Variants in LRP1B observed in about 807,000 individuals in gnomAD.
LRP1B encodes the protein LDL receptor related protein 1B.
A neutral mutation model predicts 556.6 loss-of-function variants in LRP1B; 217 were observed. The observed-to-expected ratio is 0.39, with a 90% confidence interval of 0.35 to 0.44. LRP1B has a LOEUF of 0.44. LRP1B is among the 20% of genes least tolerant of loss of function. The pLI, the probability that LRP1B is intolerant of heterozygous loss-of-function variation, is 1.00. For missense variants in LRP1B, 5,053 were observed against 5,620.8 expected (o/e 0.90, Z 3.23); for synonymous variants, 2,047 against 1,865.8 (o/e 1.10, Z -2.50).
chr2:140,252,089 A>AAAC (rs1558926907), intron 86 of LRP1B, among the ~76,000 whole-genome samples: 3 of 67,240 alleles, frequency 4.5e-5, no homozygotes, highest in Non-Finnish European at 2.9e-5. Flanking sequence ...AAAAAAAAAA[A>AAAC]CCCAAAAAAC....
At chr2:142,068,746 C>T (rs1234869252) in intron 1 of LRP1B, among the ~76,000 whole-genome samples, 1 of 151,526 alleles carries the variant, frequency 6.6e-6, no homozygotes, top group African/African-American at 2.4e-5. Context: ...GTGTTAGGCC[C>T]TCAGAAGTAA....
chr2:140,277,700 A>C (rs1682738705), intron 84 of LRP1B, among the ~76,000 whole-genome samples: 1 of 151,976 alleles, frequency 6.6e-6, no homozygotes, highest in Non-Finnish European at 1.5e-5. Flanking sequence ...AAATTAAATT[A>C]ACACTTCAAT....
At chr2:141,659,973 G>A (rs530530040) in intron 2 of LRP1B, among the ~76,000 whole-genome samples, 7 of 152,246 alleles carry the variant, frequency 4.6e-5, no homozygotes, top group African/African-American at 1.7e-4. Flanking sequence ...ATTAGCAGAA[G>A]AGACCAGAAG....
chr2:141,186,037 C>T (rs941774719), intron 7 of LRP1B, among the ~76,000 whole-genome samples: 1 of 136,016 alleles, frequency 7.4e-6, no homozygotes, highest in African/African-American at 2.7e-5. Flanking sequence ...GGAGATTGTG[C>T]CACTGTACTC....
chr2:140,744,153 T>C (rs1380064097), intron 35 of LRP1B, among the ~76,000 whole-genome samples: 2 of 152,066 alleles, frequency 1.3e-5, no homozygotes, highest in African/African-American at 4.8e-5. Flanking sequence ...TTAATTAATT[T>C]GATAGTGGTT....
intron 84 of LRP1B, among the ~76,000 whole-genome samples, chr2:140,291,278 C>T (rs1033446550): frequency 2.1e-5 from 2 of 93,582 alleles, no homozygotes; most frequent in Non-Finnish European, 5.5e-5. Context: ...AGCTTAGATA[C>T]CACTTCAAGA....
intron 2 of LRP1B, among the ~76,000 whole-genome samples, chr2:141,637,601 G>T (rs765543458): frequency 1.6e-4 from 24 of 152,174 alleles, no homozygotes; most frequent in Non-Finnish European, 1.2e-4. Context: ...TCTTCTCCTG[G>T]TTTGCACTGC....
At chr2:140,323,474 C>T (rs1056421003) in intron 81 of LRP1B, among the ~76,000 whole-genome samples, 2 of 151,958 alleles carry the variant, frequency 1.3e-5, no homozygotes, top group Non-Finnish European at 2.9e-5. Context: ...CGTCTATGCA[C>T]TCACAAGGTT....
At chr2:141,249,191 T>C (rs935027376) in intron 4 of LRP1B, among the ~76,000 whole-genome samples, 4 of 152,092 alleles carry the variant, frequency 2.6e-5, no homozygotes, top group African/African-American at 9.7e-5. Context: ...AGCATATATA[T>C]AATAGATTTT....
chr2:140,621,182 C>A (rs1462085116), intron 41 of LRP1B, among the ~76,000 whole-genome samples: 1 of 151,260 alleles, frequency 6.6e-6, no homozygotes, highest in African/African-American at 2.4e-5. Context: ...GAGTTCGAGA[C>A]CATCCTGGCT....
chr2:140,674,022 C>T (rs1685582478), intron 41 of LRP1B, among the ~76,000 whole-genome samples: 1 of 150,858 alleles, frequency 6.6e-6, no homozygotes, highest in South Asian at 2.1e-4. Flanking sequence ...AACTCTGGCT[C>T]ACTGCAACCT....
intron 35 of LRP1B, among the ~76,000 whole-genome samples, chr2:140,737,322 G>A (rs768154010): frequency 6.6e-6 from 1 of 152,160 alleles, no homozygotes; most frequent in Non-Finnish European, 1.5e-5. Context: ...GCTTAGATAT[G>A]TTGAGGATTA....
At chr2:141,124,329 G>A (rs992392364) in intron 7 of LRP1B, among the ~76,000 whole-genome samples, 2 of 151,970 alleles carry the variant, frequency 1.3e-5, no homozygotes, top group African/African-American at 4.8e-5. Flanking sequence ...TTCCTCTTTT[G>A]TATTGTTGCA....
chr2:141,876,529 T>C lies in LRP1B; in HGVS notation c.83-66128A>G, dbSNP rs543286672. 4.0e-3 allele frequency among the ~76,000 whole-genome samples: 615 copies of C among 152,002 alleles called. 5 individuals are homozygous for C. The highest frequency in any genetic ancestry group is 5.4e-3 in the Non-Finnish European group (364 of 67,954). On this transcript the variant is annotated intron_variant, in intron 1 of 90. Transcript: ENST00000389484. Reference sequence around the variant, plus strand: ...AGGAGAAAAGATATATTATAGATTATGTAGTTATTCTCTATCACTTCAGAA... The same window carrying C: ...AGGAGAAAAGATATATTATAGATTACGTAGTTATTCTCTATCACTTCAGAA...
chr2:141,645,116 G>A (rs1018216300), intron 2 of LRP1B, among the ~76,000 whole-genome samples: 2 of 152,096 alleles, frequency 1.3e-5, no homozygotes, highest in African/African-American at 2.4e-5. Context: ...TAGGGTAGGA[G>A]TATTGGGGGT....
chr2:141,141,594 T>C (rs1701653466), intron 7 of LRP1B, among the ~76,000 whole-genome samples: 1 of 152,196 alleles, frequency 6.6e-6, no homozygotes, highest in African/African-American at 2.4e-5. Flanking sequence ...TGTAACTCTG[T>C]AATGTCAACT....
At chr2:141,736,395 G>A (rs1194363922) in intron 2 of LRP1B, among the ~76,000 whole-genome samples, 2 of 152,092 alleles carry the variant, frequency 1.3e-5, no homozygotes, top group East Asian at 1.9e-4. Flanking sequence ...GAGGTCATTC[G>A]AGTTGACCCT....
intron 2 of LRP1B, among the ~76,000 whole-genome samples, chr2:141,770,420 C>T (rs747596132): frequency 9.2e-5 from 14 of 152,120 alleles, no homozygotes; most frequent in Non-Finnish European, 1.8e-4. Flanking sequence ...ATGTCATGCT[C>T]CCCATGAGTA....
At position 141,910,771 on chromosome 2, in the gene LRP1B, G is replaced by A. The variant is rs570401527; in HGVS notation, c.83-100370C>T. The stretch of plus-strand genomic sequence containing the variant: ...AATACACCTAAGTAGATAATCGAAA[G>A]GACTTACGTGTTGCTTTTCAATTTT... On this transcript the variant is annotated intron_variant, in intron 1 of 90. Transcript: ENST00000389484. Among the ~76,000 whole-genome samples, 13 of 152,094 alleles carry A rather than the reference G, an allele frequency of 8.5e-5. No individual in the cohort carries two copies. The East Asian group carries it at 2.3e-3, about 27-fold the overall frequency.
Sources: allele counts gnomAD v4.1 joint callset (sites outside exome capture counted in the v4.1 genomes callset), GRCh38; gene constraint gnomAD v4.1.1; transcripts MANE v1.5; gene names NCBI Gene and HGNC (gene_info 2026-07-23, HGNC 2026-07-21).